Variants in KCTD1 observed in about 807,000 individuals in gnomAD.
The protein encoded by KCTD1 is BTB/POZ domain-containing protein KCTD1.
Under a neutral mutation model 66.0 loss-of-function variants are expected in KCTD1, and 24 were observed. That is an observed-to-expected ratio of 0.36 (90% CI 0.26 to 0.51). The LOEUF (loss-of-function observed/expected upper bound fraction) is 0.51. Ranked by LOEUF, KCTD1 falls within the 20% of genes least tolerant of loss-of-function variation. The probability of loss-of-function intolerance (pLI) is 0.95; values close to 1 mark genes in which losing one functional copy is unlikely to be tolerated. For synonymous variants in KCTD1, 511 were observed against 517.2 expected, an observed-to-expected ratio of 0.99 and a Z score of 0.16; for missense variants, 943 against 1,205.2, an observed-to-expected ratio of 0.78 and a Z score of 3.22.
chr18:26,491,574 G>A (rs907083556), intron 2 of KCTD1, among the ~76,000 whole-genome samples: 22 of 152,140 alleles, frequency 1.4e-4, no homozygotes, highest in African/African-American at 4.6e-4. Flanking sequence ...AGTCCAAGGC[G>A]GTCCTTTCCA....
intron 1 of KCTD1, among the ~76,000 whole-genome samples, chr18:26,512,833 T>C (rs1983407016): frequency 6.6e-6 from 1 of 151,924 alleles, no homozygotes; most frequent in Non-Finnish European, 1.5e-5. Flanking sequence ...ATGCAAAAAT[T>C]AGCCGGGTGT....
intron 1 of KCTD1, among the ~76,000 whole-genome samples, chr18:26,623,303 C>T (rs1167358762): frequency 1.3e-5 from 2 of 152,194 alleles, no homozygotes; most frequent in African/African-American, 4.8e-5. Context: ...ATAAATTCCT[C>T]TTTCCTTAAG....
chr18:26,643,774 A>AAC (rs1987878817), upstream of KCTD1, among the ~76,000 whole-genome samples: 2 of 152,178 alleles, frequency 1.3e-5, no homozygotes, highest in Non-Finnish European at 1.5e-5. Context: ...CATCCTGGCT[A>AAC]ACACGATGAA....
At chr18:26,502,764 C>T (rs193242746) in intron 1 of KCTD1, among the ~76,000 whole-genome samples, 1 of 152,310 alleles carries the variant, frequency 6.6e-6, no homozygotes, top group African/African-American at 2.4e-5. Context: ...AGATTGTTTT[C>T]AAACATGCAA....
intron 1 of KCTD1, among the ~76,000 whole-genome samples, chr18:26,610,312 C>G (rs1394379651): frequency 6.6e-6 from 1 of 152,138 alleles, no homozygotes; most frequent in Non-Finnish European, 1.5e-5. Flanking sequence ...GTGGCTCATG[C>G]CTGTAATCCC....
chr18:26,497,183 G>A (rs1982522547), intron 2 of KCTD1, among the ~76,000 whole-genome samples: 1 of 152,150 alleles, frequency 6.6e-6, no homozygotes, highest in South Asian at 2.1e-4. Flanking sequence ...CTCTGAAATT[G>A]TAGAAAGATA....
intron 1 of KCTD1, among the ~76,000 whole-genome samples, chr18:26,585,929 A>G (rs1357873178): frequency 6.6e-6 from 1 of 152,162 alleles, no homozygotes; most frequent in Non-Finnish European, 1.5e-5. Flanking sequence ...GTGCATTCCT[A>G]TAGTCCTAGC....
chr18:26,586,026 T>C (rs887609857), intron 1 of KCTD1, among the ~76,000 whole-genome samples: 1 of 152,182 alleles, frequency 6.6e-6, no homozygotes. Context: ...CAGAGGAAGA[T>C]GCTGTCTCTT....
intron 1 of KCTD1, among the ~76,000 whole-genome samples, chr18:26,582,380 G>A (rs1568000177): frequency 6.6e-6 from 1 of 152,008 alleles, no homozygotes; most frequent in Non-Finnish European, 1.5e-5. Context: ...TAAGAGAAAA[G>A]CAAATTAAAC....
At chr18:26,461,057 G>A (rs1227567543) in intron 3 of KCTD1, among the ~76,000 whole-genome samples, 3 of 152,226 alleles carry the variant, frequency 2.0e-5, no homozygotes, top group Non-Finnish European at 4.4e-5. Context: ...AGCCAATGTT[G>A]CAAACATGTG....
chr18:26,531,755 T>C (rs1418459381), intron 1 of KCTD1, among the ~76,000 whole-genome samples: 1 of 152,204 alleles, frequency 6.6e-6, no homozygotes, highest in Non-Finnish European at 1.5e-5. Context: ...CTAAATTTGT[T>C]TGGTGAGGTC....
At chr18:26,605,459 C>G (rs1308033208) in intron 1 of KCTD1, among the ~76,000 whole-genome samples, 1 of 152,026 alleles carries the variant, frequency 6.6e-6, no homozygotes. Flanking sequence ...AAATTCCAAT[C>G]TCTTCCCTTC....
At chr18:26,616,017 C>T (rs1360376902) in intron 1 of KCTD1, among the ~76,000 whole-genome samples, 4 of 152,166 alleles carry the variant, frequency 2.6e-5, no homozygotes, top group Non-Finnish European at 5.9e-5. Context: ...TCTTGAACTC[C>T]TGATCTCAGG....
chr18:26,603,780 A>AAATC (rs1986953018), intron 1 of KCTD1, among the ~76,000 whole-genome samples: 1 of 150,928 alleles, frequency 6.6e-6, no homozygotes, highest in African/African-American at 2.4e-5. Context: ...ATAAATAAAT[A>AAATC]AATAAATAAA....
chr18:26,482,978 T>C (rs1598887512), intron 2 of KCTD1, among the ~76,000 whole-genome samples: 1 of 152,230 alleles, frequency 6.6e-6, no homozygotes, highest in African/African-American at 2.4e-5. Context: ...TTTTTCTCTA[T>C]GTCTAGGCTT....
intron 3 of KCTD1, among the ~76,000 whole-genome samples, chr18:26,474,730 ACTTGT>A (rs1236113630): frequency 2.6e-5 from 4 of 152,098 alleles, no homozygotes; most frequent in South Asian, 4.1e-4. Context: ...ATGGTCTGAC[ACTTGT>A]CTTGTATTTG....
chr18:26,512,342 A>G (rs1245581660), intron 1 of KCTD1, among the ~76,000 whole-genome samples: 1 of 151,808 alleles, frequency 6.6e-6, no homozygotes, highest in Non-Finnish European at 1.5e-5. Flanking sequence ...AGCTCAGGCA[A>G]TCCGCCTGCC....
intron 1 of KCTD1, among the ~76,000 whole-genome samples, chr18:26,601,947 T>C (rs1986908804): frequency 6.6e-6 from 1 of 152,206 alleles, no homozygotes; most frequent in Non-Finnish European, 1.5e-5. Flanking sequence ...ATAGTTTTAC[T>C]TCTTCCTTTC....
At chr18:26,578,913 C>T (rs552099560) in intron 1 of KCTD1, among the ~76,000 whole-genome samples, 1 of 152,232 alleles carries the variant, frequency 6.6e-6, no homozygotes, top group South Asian at 2.1e-4. Flanking sequence ...TTAAGAAGTG[C>T]TCATTAGGAA....
Sources: gnomAD v4.1 joint callset for allele counts (sites outside exome capture counted in the v4.1 genomes callset) on GRCh38, gnomAD v4.1.1 for gene constraint, MANE v1.5 for transcripts, NCBI Gene and HGNC (gene_info 2026-07-23, HGNC 2026-07-21) for gene names.